POLR3A: variants seen among roughly 807,000 people sequenced by gnomAD.
POLR3A encodes DNA-directed RNA polymerase III subunit RPC1.
In POLR3A, 112 loss-of-function variants were observed where a neutral mutation model predicts 152.8. That is an observed-to-expected ratio of 0.73 (90% CI 0.63 to 0.86). The LOEUF (loss-of-function observed/expected upper bound fraction) is 0.86. Among genes scored for constraint, POLR3A ranks in the 40% least tolerant of loss-of-function variants. The pLI, the probability that POLR3A is intolerant of heterozygous loss-of-function variation, is 0.00. For missense variants in POLR3A, 1,385 were observed against 1,743.1 expected (o/e 0.79, Z 3.66); for synonymous variants, 615 against 652.1 (o/e 0.94, Z 0.87).
chr10:78,006,466 T>C (rs1045063080), intron 15 of POLR3A, among the ~76,000 whole-genome samples: 3 of 149,072 alleles, frequency 2.0e-5, no homozygotes, highest in South Asian at 2.1e-4. Flanking sequence ...AAAAATAGTA[T>C]TGGAAATTAA....
chr10:77,996,648 G>C (rs11002361), intron 19 of POLR3A, among the ~76,000 whole-genome samples: 1 of 149,392 alleles, frequency 6.7e-6, no homozygotes, highest in Non-Finnish European at 1.5e-5. Context: ...AATAACAGGA[G>C]CTGAAATTGA....
At chr10:78,006,329 G>T (rs536211646) in intron 15 of POLR3A, among the ~76,000 whole-genome samples, 3 of 149,018 alleles carry the variant, frequency 2.0e-5, no homozygotes, top group Non-Finnish European at 1.5e-5. Context: ...CCTGGGAGGC[G>T]GAGGTTGCAG....
chr10:77,993,242 T>C lies in POLR3A; in HGVS notation c.2742A>G (p.Gly914=). ...GDGLDPAAME[G]KDEPLEFKRV... ...TTTTAAACTCCAAAGGTTCATCTTT[T>C]CCCTCCATAGCTGCAGGATCTAAGC... Residue 914 remains glycine (G), a synonymous_variant, in exon 20 of 31, where the codon GGA becomes GGG. Transcript: ENST00000372371. 1.9e-6 allele frequency: 3 copies of C among 1,613,858 alleles called. No individual in the cohort carries two copies. The highest frequency in any genetic ancestry group is 1.7e-6 in the Non-Finnish European group (2 of 1,179,784).
rs567060129 is a variant in POLR3A at position 77,989,628 on chromosome 10, T to C, written c.2901+1426A>G. On this transcript the variant is annotated intron_variant, in intron 21 of 30. Coordinates refer to ENST00000372371, the MANE Select transcript of POLR3A (RefSeq NM_007055.4). ...AAGGAACCAGTCCAAAGCAAAGCAG[T>C]GTTTGCCAGAACCGGGACAGAAACC... Among the ~76,000 whole-genome samples the C allele has an allele frequency of 2.7e-3, 416 of 152,308 alleles. 2 individuals carry two copies. Among genetic ancestry groups the C allele is most frequent in the Non-Finnish European group, 4.9e-3 (330 of 68,026 alleles).
chr10:77,997,381 A>G (rs940247325), intron 19 of POLR3A, among the ~76,000 whole-genome samples: 1 of 152,222 alleles, frequency 6.6e-6, no homozygotes, highest in Non-Finnish European at 1.5e-5. Context: ...CCCTGTTTGC[A>G]GATGACATGA....
At position 77,985,315 on chromosome 10, in the gene POLR3A, C is replaced by T; in HGVS notation, c.3097G>A (p.Val1033Met). 6.2e-7 allele frequency: 1 copy of T among 1,614,172 alleles called. No homozygotes were observed. Among genetic ancestry groups the T allele is most frequent in the Non-Finnish European group, 8.5e-7 (1 of 1,179,982 alleles). ...MRAQMEPGSA[V>M]GALCAQSIGE... ...ATGCTCTGGGCACACAGAGCACCCA[C>T]TGCAGAACCTGGCTCCATCTGTGCC... Residue 1033 changes from valine to methionine, a missense_variant, in exon 24 of 31, where the codon GTG becomes ATG. Val to Met is a conservative substitution (Grantham distance 21). Transcript: ENST00000372371.
chr10:77,986,510 G>A (rs1440383453), intron 21 of POLR3A, among the ~76,000 whole-genome samples: 1 of 152,178 alleles, frequency 6.6e-6, no homozygotes, highest in Non-Finnish European at 1.5e-5. Flanking sequence ...CTCAAGACAG[G>A]TACGACTGAA....
chr10:77,981,868 CAA>C (rs60259976), intron 28 of POLR3A, among the ~76,000 whole-genome samples: 1 of 63,796 alleles, frequency 1.6e-5, no homozygotes, highest in Admixed American at 2.0e-4. Context: ...ACTAAAAATA[CAA>C]AAAAAAAAAA....
At chr10:78,007,672 T>G (rs1478884103) in intron 15 of POLR3A, 30 bp downstream of exon 15, 2 of 1,603,822 alleles carry the variant, frequency 1.2e-6, no homozygotes, top group East Asian at 4.5e-5. Context: ...ATTGCAGCTT[T>G]AACTAAAAGA....
chr10:77,985,976 G>A lies in POLR3A; in HGVS notation c.2998C>T (p.Leu1000=), dbSNP rs1184542980. 2 of 1,614,072 alleles carry A rather than the reference G, an allele frequency of 1.2e-6. No homozygotes were observed. Among genetic ancestry groups the A allele is most frequent in the East Asian group, 4.5e-5 (2 of 44,880 alleles). The part of the protein sequence containing the change: ...NDNGTTEPRV[L]YQLDRITPTQ... ...GGGGTGATGCGGTCCAGCTGGTACA[G>A]CACACGGGGCTGGGAGAATACAAGC... Residue 1000 remains leucine (L), a synonymous_variant, in exon 23 of 31, where the codon CTG becomes TTG. Coordinates refer to ENST00000372371, the MANE Select transcript of POLR3A (RefSeq NM_007055.4).
At chr10:77,978,509 G>A (rs1352637629) in intron 30 of POLR3A, among the ~76,000 whole-genome samples, 1 of 152,142 alleles carries the variant, frequency 6.6e-6, no homozygotes, top group African/African-American at 2.4e-5. Flanking sequence ...GCAAAGGCCC[G>A]GTTTCCAGGT....
intron 19 of POLR3A, among the ~76,000 whole-genome samples, chr10:77,994,453 T>C (rs1847278969): frequency 6.6e-6 from 1 of 151,334 alleles, no homozygotes; most frequent in Admixed American, 6.6e-5. Context: ...CAGCAACTTG[T>C]AGTGTTGACT....
Position 77,981,534 on chromosome 10 carries a change from G to T in POLR3A, c.3785C>A (p.Ala1262Asp), listed in dbSNP as rs1298607270. 1 of 1,613,988 alleles carries T rather than the reference G, an allele frequency of 6.2e-7. No homozygotes were observed. The highest frequency in any genetic ancestry group is 1.1e-5 in the South Asian group (1 of 91,080). Residue 1262 changes from alanine (A) to aspartate (D), a missense_variant, in exon 29 of 31, where the codon GCC becomes GAC. Ala to Asp is a moderately radical substitution (Grantham distance 126). Transcript: ENST00000372371. The stretch of plus-strand genomic sequence containing the variant: ...TTCATTGATGATCGTTGTCCGGGCG[G>T]CCTCGATGCCCAGAGTTTTCTCCAC... ...YEVEKTLGIEAARTTIINEIQ... is the reference protein window; with the variant it reads ...YEVEKTLGIEDARTTIINEIQ...
intron 14 of POLR3A, 115 bp downstream of exon 14, chr10:78,009,422 G>C (rs1238537081): frequency 7.0e-7 from 1 of 1,435,046 alleles, no homozygotes; most frequent in Non-Finnish European, 9.8e-7. Context: ...TCCACCTAAG[G>C]CTTACAGAAA....
rs1447094705 is a variant in POLR3A, at chr10:77,975,626, G to A, written c.*1852C>T. On this transcript the variant is annotated 3_prime_UTR_variant, in exon 31 of 31. Transcript: ENST00000372371. ...TCACGCAAGGTGAGGCTCCTTGGCGGTGCCATCTTTATTATTCCCAGCCAC... is the reference window on the plus strand; with the variant it reads ...TCACGCAAGGTGAGGCTCCTTGGCGATGCCATCTTTATTATTCCCAGCCAC... 6.6e-6 allele frequency: 1 copy of A among 152,310 alleles called. No individual in the cohort carries two copies. The highest frequency in any genetic ancestry group is 1.5e-5 in the Non-Finnish European group (1 of 68,098). The allele number at this position is 152,310 out of a possible 1,614,324, so 9.4% of individuals were successfully genotyped here.
chr10:77,992,787 G>A (rs1847262149), intron 20 of POLR3A, among the ~76,000 whole-genome samples: 1 of 151,866 alleles, frequency 6.6e-6, no homozygotes, highest in East Asian at 1.9e-4. Flanking sequence ...TGATTCTCCT[G>A]CCTTGGCCTC....
At chr10:78,010,667 T>C in intron 11 of POLR3A, 127 bp from the exon 12 acceptor site, 1 of 745,824 alleles carries the variant, frequency 1.3e-6, no homozygotes, top group South Asian at 1.5e-5. Flanking sequence ...GGCTGAGAAA[T>C]GAAAGCCAGG....
chr10:78,000,044 T>G lies in POLR3A; in HGVS notation c.2553A>C (p.Thr851=). Residue 851 remains threonine (T), a synonymous_variant, in exon 19 of 31, where the codon ACA becomes ACC. Transcript: ENST00000372371. ...GLTPTEFFFH[T]MAGREGLVDT... is the part of the protein sequence containing the mutation. ...CGACTAGACCTTCCCGGCCGGCCATTGTGTGGAAGAAAAACTCAGTTGGTG... is the reference window on the plus strand; with the variant it reads ...CGACTAGACCTTCCCGGCCGGCCATGGTGTGGAAGAAAAACTCAGTTGGTG... 6.2e-7 allele frequency: 1 copy of G among 1,614,050 alleles called. No homozygotes were observed. The highest frequency in any genetic ancestry group is 2.2e-5 in the East Asian group (1 of 44,876).
chr10:77,995,793 G>C (rs1164544211), intron 19 of POLR3A, among the ~76,000 whole-genome samples: 2 of 152,142 alleles, frequency 1.3e-5, no homozygotes, highest in East Asian at 3.9e-4. Flanking sequence ...ATTGAACTCA[G>C]CTCTGCACCA....
Sources: allele counts gnomAD v4.1 joint callset (sites outside exome capture counted in the v4.1 genomes callset), GRCh38; gene constraint gnomAD v4.1.1; transcripts MANE v1.5; gene names NCBI Gene and HGNC (gene_info 2026-07-23, HGNC 2026-07-21).